The following ADAM11 variants were observed in gnomAD, a reference collection of about 807,000 sequenced individuals.
The protein encoded by ADAM11 is ADAM metallopeptidase domain 11, also known as disintegrin and metalloproteinase domain-containing protein 11.
A neutral mutation model predicts 119.1 loss-of-function variants in ADAM11; 49 were observed. The ratio of observed to expected loss-of-function variants is 0.41; its 90% confidence interval spans 0.33 to 0.52. The LOEUF is 0.52. Ranked by LOEUF, ADAM11 falls within the 20% of genes least tolerant of loss-of-function variation. The pLI is 0.20. For missense variants in ADAM11, 777 were observed against 1,047.5 expected, an observed-to-expected ratio of 0.74 and a Z score of 3.56; for synonymous variants, 364 against 408.0, an observed-to-expected ratio of 0.89 and a Z score of 1.30.
rs2049604640 is a variant in ADAM11 at position 44,776,621 on chromosome 17, GT to G, written c.1567-123del. The G allele has an allele frequency of 1.5e-5, 19 of 1,235,916 alleles. No homozygotes were observed. In the South Asian group the frequency reaches 2.6e-4, roughly 17 times the overall value. 76.6% of individuals were successfully genotyped at this position (1,235,916 alleles called of 1,614,324 possible). On this transcript the variant is annotated intron_variant, in intron 18 of 26. Coordinates refer to ENST00000200557, the MANE Select transcript of ADAM11 (RefSeq NM_002390.6). This position sits in a 1 kb window ranked among gnomAD's most constrained non-coding sequence, Gnocchi z 5.2. ...ACCAGACAGATCGCTTGTCCTAGGC[GT>G]GGAAGAGCCCTGTGGCATGAGCCCC...
In ADAM11 at chr17:44,772,262, T is replaced by C; in HGVS notation, c.544-5T>C. The C allele has an allele frequency of 1.3e-6, 2 of 1,598,080 alleles. No individual in the cohort carries two copies. Among genetic ancestry groups the C allele is most frequent in the Non-Finnish European group, 1.7e-6 (2 of 1,171,342 alleles). ...ACCCCAAGAACTAATTTCCCCTCAT[T>C]GCAGGGACCCCTTCCCCACCTCATT... On this transcript the variant is annotated splice_polypyrimidine_tract_variant and splice_region_variant and intron_variant, in intron 6 of 26. Transcript: ENST00000200557. The surrounding 1 kb of genome is among the most constrained non-coding windows in gnomAD (Gnocchi z 4.5).
rs375264655 is a variant in ADAM11, at chr17:44,775,693, G to A, written c.1485+17G>A. 9.4e-5 allele frequency: 146 copies of A among 1,560,946 alleles called. No individual in the cohort carries two copies. Among genetic ancestry groups the A allele is most frequent in the Non-Finnish European group, 1.0e-4 (120 of 1,156,418 alleles). ...CGCTGCAAGGTAAGCAGGACCGGCC[G>A]GGAGGCGGGGCCAGGACGCAGGAGG... On this transcript the variant is annotated intron_variant, in intron 17 of 26. Coordinates refer to ENST00000200557, the MANE Select transcript of ADAM11 (RefSeq NM_002390.6). The surrounding 1 kb of genome is among the most constrained non-coding windows in gnomAD (Gnocchi z 7.5).
rs1567698262 is a variant in ADAM11 at position 44,781,546 on chromosome 17, C to T, written c.*1792C>T. ...TCTGGGCACAGCTTTTGGATCCACACCTCTGCACAAGTGTGAATACCTCTG... is the reference window on the plus strand; with the variant it reads ...TCTGGGCACAGCTTTTGGATCCACATCTCTGCACAAGTGTGAATACCTCTG... On this transcript the variant is annotated 3_prime_UTR_variant, in exon 27 of 27. Transcript: ENST00000200557. 6.6e-6 allele frequency: 1 copy of T among 152,362 alleles called. No individual in the cohort carries two copies. Among genetic ancestry groups the T allele is most frequent in the Non-Finnish European group, 1.5e-5 (1 of 68,134 alleles). The allele number at this position is 152,362 out of a possible 1,614,324, so 9.4% of individuals were successfully genotyped here. A position where few individuals can be genotyped will look rare whatever the true frequency, so the allele number is the denominator to read the frequency against.
rs529845921 is a variant in ADAM11, at chr17:44,771,152, T to G, written c.382-432T>G. ...AATAAATAAATACAAAAATTAGCTA[T>G]GTGTGGTGGCACATGCCTGTAATCC... On this transcript the variant is annotated intron_variant, in intron 4 of 26. Transcript: ENST00000200557. Among the ~76,000 whole-genome samples the G allele has an allele frequency of 5.4e-3, 815 of 150,538 alleles. 7 individuals are homozygous for G. The highest frequency in any genetic ancestry group is 0.032 in the South Asian group (153 of 4,722).
intron 26 of ADAM11, 119 bp downstream of exon 26, chr17:44,779,358 T>A (rs1457789555): frequency 6.8e-7 from 1 of 1,467,118 alleles, no homozygotes; most frequent in Non-Finnish European, 9.0e-7. Flanking sequence ...GGGGGCTGAT[T>A]CCCCCACCCC....
rs1248104219 is a variant in ADAM11 at position 44,773,257 on chromosome 17, C to G, written c.826-4C>G. On this transcript the variant is annotated splice_region_variant and splice_polypyrimidine_tract_variant and intron_variant, in intron 10 of 26. Coordinates refer to ENST00000200557, the MANE Select transcript of ADAM11 (RefSeq NM_002390.6). The surrounding 1 kb of genome is among the most constrained non-coding windows in gnomAD (Gnocchi z 4.6). Reference sequence around the variant, plus strand: ...ACCCTCCAGCCCCCTCATCTTCTCCCCAGATATACAAGGAGCAGCTCAACA... The same window carrying G: ...ACCCTCCAGCCCCCTCATCTTCTCCGCAGATATACAAGGAGCAGCTCAACA... 1 of 1,613,392 alleles carries G rather than the reference C, an allele frequency of 6.2e-7. No individual in the cohort carries two copies. The highest frequency in any genetic ancestry group is 1.1e-5 in the South Asian group (1 of 91,056).
chr17:44,777,055 G>T lies in ADAM11; in HGVS notation c.1681+93G>T. On this transcript the variant is annotated intron_variant, in intron 20 of 26. Transcript: ENST00000200557. This position sits in a 1 kb window ranked among gnomAD's most constrained non-coding sequence, Gnocchi z 5.1. ...GTTCCAGCTGAACAGGCCCCCAAGTGTGTAGCTCCCCAGGATCTCAGGGAC... is the reference window on the plus strand; with the variant it reads ...GTTCCAGCTGAACAGGCCCCCAAGTTTGTAGCTCCCCAGGATCTCAGGGAC... 6.5e-7 allele frequency: 1 copy of T among 1,548,680 alleles called. No individual in the cohort carries two copies. The highest frequency in any genetic ancestry group is 8.8e-7 in the Non-Finnish European group (1 of 1,139,906).
At chr17:44,759,303 C>T (rs2049359908) in intron 1 of ADAM11, 43 bp downstream of exon 1, 2 of 1,348,300 alleles carry the variant, frequency 1.5e-6, no homozygotes, top group Non-Finnish European at 1.9e-6. Flanking sequence ...TCCCTGCCCC[C>T]GCCCCGGGAT....
chr17:44,759,758 G>T lies in ADAM11; in HGVS notation c.98G>T (p.Trp33Leu). The T allele has an allele frequency of 3.0e-6, 4 of 1,325,620 alleles. No individual in the cohort carries two copies. Among genetic ancestry groups the T allele is most frequent in the Non-Finnish European group, 3.9e-6 (4 of 1,030,324 alleles). The allele number at this position is 1,325,620 out of a possible 1,614,324, so 82.1% of individuals were successfully genotyped here. Residue 33 changes from tryptophan to leucine, a missense_variant, in exon 2 of 27, where the codon TGG becomes TTG. Coordinates refer to ENST00000200557, the MANE Select transcript of ADAM11 (RefSeq NM_002390.6). ...GTQGPAGALR[W>L]GGLPQLGGPG... ...CAAGGTCCTGCTGGAGCTCTGCGAT[G>T]GGGGGGCTTACCCCAGCTGGGAGGC...
chr17:44,771,841 A>C lies in ADAM11; in HGVS notation c.543+10A>C. The C allele has an allele frequency of 6.3e-7, 1 of 1,598,748 alleles. No individual in the cohort carries two copies. The highest frequency in any genetic ancestry group is 8.6e-7 in the Non-Finnish European group (1 of 1,169,170). ...TTGGGGAGCCCCTCAGGTAAGCCCC[A>C]CACAACCCCTTGCCATCCTCTCTGG... On this transcript the variant is annotated intron_variant, in intron 6 of 26. Transcript: ENST00000200557.
chr17:44,776,455 G>A lies in ADAM11; in HGVS notation c.1566+248G>A, dbSNP rs911314820. Among the ~76,000 whole-genome samples, 37 of 152,164 alleles carry A rather than the reference G, an allele frequency of 2.4e-4. No individual in the cohort carries two copies. Among genetic ancestry groups the A allele is most frequent in the African/African-American group, 8.4e-4 (35 of 41,424 alleles). ...GCGCCTGGCCCGGTGCCTGGTGTAG[G>A]TTAGGGATCAGAGTAGACGATAATA... is the stretch of plus-strand genomic sequence containing the variant. On this transcript the variant is annotated intron_variant, in intron 18 of 26. Transcript: ENST00000200557. The surrounding 1 kb of genome is among the most constrained non-coding windows in gnomAD (Gnocchi z 5.2).
In ADAM11 at chr17:44,769,699, C is replaced by CGGGGGGGGGGG; in HGVS notation, c.238-19_238-18insGGGGGGGGGGG. ...AGGCCTCCCTGGGTTGACTCCCCCT[C>CGGGGGGGGGGG]TGCCCTCCCCCCACCCAGCCTGTCC... On this transcript the variant is annotated intron_variant, in intron 2 of 26. Coordinates refer to ENST00000200557, the MANE Select transcript of ADAM11 (RefSeq NM_002390.6). 1.3e-6 allele frequency: 2 copies of CGGGGGGGGGGG among 1,574,612 alleles called. No homozygotes were observed. Among genetic ancestry groups the CGGGGGGGGGGG allele is most frequent in the Non-Finnish European group, 1.7e-6 (2 of 1,145,146 alleles).
Position 44,775,093 on chromosome 17 carries a change from A to C in ADAM11, c.1221-119A>C. The C allele has an allele frequency of 1.1e-6, 1 of 897,560 alleles. No individual in the cohort carries two copies. The highest frequency in any genetic ancestry group is 1.5e-5 in the South Asian group (1 of 66,886). 55.6% of individuals were successfully genotyped at this position (897,560 alleles called of 1,614,324 possible). ...GGATTCTGGTGCAATCCCGGGGCAG[A>C]TCCTCCGCCTCCTCGCGATGGTGAC... is the stretch of plus-strand genomic sequence containing the variant. On this transcript the variant is annotated intron_variant, in intron 14 of 26. Coordinates refer to ENST00000200557, the MANE Select transcript of ADAM11 (RefSeq NM_002390.6). The surrounding 1 kb of genome is among the most constrained non-coding windows in gnomAD (Gnocchi z 7.5).
chr17:44,767,354 CAAAA>C (rs72428475), intron 2 of ADAM11, among the ~76,000 whole-genome samples: 2 of 56,918 alleles, frequency 3.5e-5, no homozygotes, highest in South Asian at 6.2e-4. Context: ...GACTCCATCT[CAAAA>C]AAAAAAAAAA....
chr17:44,779,658 A>T, intron 26 of ADAM11, 81 bp from the exon 27 acceptor site: 1 of 1,539,264 alleles, frequency 6.5e-7, no homozygotes, highest in Non-Finnish European at 8.7e-7. Context: ...AGGGCCCAGC[A>T]CTGAGCTCCG....
At chr17:44,759,286 C>T in intron 1 of ADAM11, 26 bp downstream of exon 1, 1 of 1,367,104 alleles carries the variant, frequency 7.3e-7, no homozygotes, top group Non-Finnish European at 9.4e-7. Flanking sequence ...CCGGCCCCGG[C>T]GCCCCCTCCC....
In ADAM11 at chr17:44,774,338, G is replaced by T. The variant is rs2145233788; in HGVS notation, c.1036G>T (p.Gly346Trp). Residue 346 changes from glycine to tryptophan, a missense_variant, in exon 12 of 27, where the codon GGG becomes TGG. Around this residue, in one of 4 missense-constraint regions of ADAM11, gnomAD observed 147 missense variants for 223.3 expected, o/e 0.66. Coordinates refer to ENST00000200557, the MANE Select transcript of ADAM11 (RefSeq NM_002390.6). ...CACGAGCAGCGGGGCAGCCTACGTG[G>T]GGGGCATATGCTCCCTGTCCCACGG... is the stretch of plus-strand genomic sequence containing the variant. ...QSTSSGAAYV[G>W]GICSLSHGGG... 6.7e-7 allele frequency: 1 copy of T among 1,481,814 alleles called. No homozygotes were observed. The highest frequency in any genetic ancestry group is 2.5e-5 in the East Asian group (1 of 40,080). 91.8% of individuals were successfully genotyped at this position (1,481,814 alleles called of 1,614,324 possible). A position where few individuals can be genotyped will look rare whatever the true frequency, so the allele number is the denominator to read the frequency against.
Position 44,775,707 on chromosome 17 carries a change from G to A in ADAM11, c.1485+31G>A, listed in dbSNP as rs1285735763. On this transcript the variant is annotated intron_variant, in intron 17 of 26. Transcript: ENST00000200557. The surrounding 1 kb of genome is among the most constrained non-coding windows in gnomAD (Gnocchi z 7.5). ...CAGGACCGGCCGGGAGGCGGGGCCA[G>A]GACGCAGGAGGAGCGATTGGAGGCC... 1.3e-6 allele frequency: 2 copies of A among 1,547,970 alleles called. No individual in the cohort carries two copies. Among genetic ancestry groups the A allele is most frequent in the Non-Finnish European group, 1.7e-6 (2 of 1,150,352 alleles).
chr17:44,759,395 C>T, intron 1 of ADAM11, 135 bp downstream of exon 1: 3 of 1,260,612 alleles, frequency 2.4e-6, no homozygotes, highest in Non-Finnish European at 3.0e-6. Flanking sequence ...GGTAGGGGAG[C>T]GGGAGAGGAG....
Sources: gnomAD v4.1 joint callset for allele counts (sites outside exome capture counted in the v4.1 genomes callset) on GRCh38, gnomAD v4.1.1 for gene constraint, gnomAD v4.1.1 regional missense constraint, Gnocchi (gnomAD v3.1) non-coding constraint, MANE v1.5 for transcripts, NCBI Gene and HGNC (gene_info 2026-07-23, HGNC 2026-07-21) for gene names.